Variants in SH3BGRL2 observed in about 807,000 individuals in gnomAD.
SH3BGRL2 encodes the protein SH3 domain binding glutamate rich protein like 2, also known as SH3 domain-binding glutamic acid-rich-like protein 2.
A neutral mutation model predicts 14.8 loss-of-function variants in SH3BGRL2; 21 were observed. The observed-to-expected ratio is 1.42, with a 90% confidence interval of 1.01 to 2.05. The LOEUF is 2.05. Among genes scored for constraint, SH3BGRL2 ranks in the 30% most tolerant of loss-of-function variants. The pLI, the probability that SH3BGRL2 is intolerant of heterozygous loss-of-function variation, is 0.00. For synonymous variants in SH3BGRL2, 50 were observed against 47.8 expected, an observed-to-expected ratio of 1.05 and a Z score of -0.19; for missense variants, 147 against 130.8, an observed-to-expected ratio of 1.12 and a Z score of -0.61.
the SH3BGRL2 span, among the ~76,000 whole-genome samples, chr6:79,576,656 T>TA: frequency 6.6e-6 from 1 of 152,196 alleles, no homozygotes; most frequent in African/African-American, 2.4e-5. Context: ...ATAATTTACA[T>TA]ACAGTAAAAT....
the SH3BGRL2 span, among the ~76,000 whole-genome samples, chr6:79,581,488 C>T: frequency 7.2e-5 from 11 of 152,108 alleles, no homozygotes; most frequent in South Asian, 2.1e-4. Flanking sequence ...GTTCAACATA[C>T]GCAAATCAAT....
At chr6:79,599,153 T>G in the SH3BGRL2 span, among the ~76,000 whole-genome samples, 2 of 151,970 alleles carry the variant, frequency 1.3e-5, no homozygotes, top group South Asian at 2.1e-4. Context: ...TGTTATAGTA[T>G]TTTACTGTAG....
chr6:79,593,063 A>G, the SH3BGRL2 span, among the ~76,000 whole-genome samples: 8 of 152,216 alleles, frequency 5.3e-5, no homozygotes, highest in African/African-American at 1.9e-4. Context: ...CTTTGGGCAA[A>G]TGAGAGCCCA....
chr6:79,665,138 T>C (rs1472739310), intron 1 of SH3BGRL2, among the ~76,000 whole-genome samples: 1 of 152,198 alleles, frequency 6.6e-6, no homozygotes, highest in Non-Finnish European at 1.5e-5. Context: ...AGGAGGAGTT[T>C]GCAGTGAGCT....
At chr6:79,575,059 A>G in the SH3BGRL2 span, 2 of 152,242 alleles carry the variant, frequency 1.3e-5, no homozygotes, top group African/African-American at 2.4e-5. Flanking sequence ...ATTCCACTGT[A>G]CTTGATTGAT....
At chr6:79,611,117 A>G in the SH3BGRL2 span, among the ~76,000 whole-genome samples, 1 of 152,188 alleles carries the variant, frequency 6.6e-6, no homozygotes, top group Non-Finnish European at 1.5e-5. Flanking sequence ...ACTTGGATCC[A>G]TAGTCTAATC....
chr6:79,588,164 G>A, the SH3BGRL2 span, among the ~76,000 whole-genome samples: 36 of 151,932 alleles, frequency 2.4e-4, no homozygotes, highest in East Asian at 6.8e-3. Context: ...ATGGTGGCAC[G>A]TGTCTGTAGT....
At chr6:79,694,905 T>G (rs565893549) in intron 2 of SH3BGRL2, among the ~76,000 whole-genome samples, 7 of 152,304 alleles carry the variant, frequency 4.6e-5, no homozygotes, top group African/African-American at 1.7e-4. Context: ...TTGCTGCCCT[T>G]TTTTTGAGCC....
At chr6:79,631,620 C>A in intron 1 of SH3BGRL2, 114 bp downstream of exon 1, 1 of 840,016 alleles carries the variant, frequency 1.2e-6, no homozygotes, top group Non-Finnish European at 1.6e-6. Context: ...CCCGCGGGAG[C>A]CCGCGCCCGG....
chr6:79,576,076 A>T, the SH3BGRL2 span, among the ~76,000 whole-genome samples: 1 of 152,160 alleles, frequency 6.6e-6, no homozygotes, highest in African/African-American at 2.4e-5. Context: ...ATGATAGCCT[A>T]TTCCCTAAAC....
chr6:79,558,525 TA>T, the SH3BGRL2 span, among the ~76,000 whole-genome samples: 11 of 152,326 alleles, frequency 7.2e-5, 1 homozygote, highest in South Asian at 2.3e-3. Context: ...TATAGTCATA[TA>T]TTTTACTTAG....
rs57327249 is a variant in SH3BGRL2 at position 79,667,990 on chromosome 6, T to TAA, written c.46-5618_46-5617dup. On this transcript the variant is annotated intron_variant, in intron 1 of 3. Coordinates refer to ENST00000369838, the MANE Select transcript of SH3BGRL2 (RefSeq NM_031469.4). Reference sequence around the variant, plus strand: ...TATTGTTCTTATTCAATCTCAATGTTAAAAAAACTCTTATTCAAATTGATT... The same window carrying TAA: ...TATTGTTCTTATTCAATCTCAATGTTAAAAAAAAACTCTTATTCAAATTGATT... Among the ~76,000 whole-genome samples, 17 of 151,734 alleles carry TAA rather than the reference T, an allele frequency of 1.1e-4. 1 individual carries two copies. The highest frequency in any genetic ancestry group is 2.1e-4 in the Non-Finnish European group (14 of 67,942).
Position 79,699,492 on chromosome 6 carries a change from T to TTTTTTA in SH3BGRL2, c.313-5_313-4insTTTTAT. ...TTTTTTTTTTTTTTTTTTTTTTTTT[T>TTTTTTA]TATAGGCAGAACCTTAGAGAAGAAG... On this transcript the variant is annotated splice_polypyrimidine_tract_variant and splice_region_variant and intron_variant, in intron 3 of 3. Coordinates refer to ENST00000369838, the MANE Select transcript of SH3BGRL2 (RefSeq NM_031469.4). 1 of 1,471,424 alleles carries TTTTTTA rather than the reference T, an allele frequency of 6.8e-7. No homozygotes were observed. Among genetic ancestry groups the TTTTTTA allele is most frequent in the Non-Finnish European group, 9.0e-7 (1 of 1,111,470 alleles). 91.1% of individuals were successfully genotyped at this position (1,471,424 alleles called of 1,614,324 possible).
intron 1 of SH3BGRL2, among the ~76,000 whole-genome samples, chr6:79,637,307 C>T (rs1342683536): frequency 1.6e-4 from 25 of 152,132 alleles, no homozygotes; most frequent in Admixed American, 1.6e-3. Flanking sequence ...AAATTAGGAG[C>T]TGTTTACCCA....
At chr6:79,624,184 T>C in the SH3BGRL2 span, among the ~76,000 whole-genome samples, 1 of 151,940 alleles carries the variant, frequency 6.6e-6, no homozygotes, top group Admixed American at 6.6e-5. Context: ...ATAATCAACA[T>C]TGAATCTTTA....
the SH3BGRL2 span, among the ~76,000 whole-genome samples, chr6:79,583,696 G>A: frequency 2.2e-4 from 34 of 152,132 alleles, no homozygotes; most frequent in African/African-American, 8.2e-4. Context: ...TGAGCTGATG[G>A]GTGCAGCAAA....
chr6:79,599,612 C>G, the SH3BGRL2 span, among the ~76,000 whole-genome samples: 2 of 152,124 alleles, frequency 1.3e-5, no homozygotes. Context: ...CTCAGGTGAT[C>G]CACCCTATAC....
intron 1 of SH3BGRL2, among the ~76,000 whole-genome samples, chr6:79,642,439 T>C (rs1420189177): frequency 1.3e-5 from 2 of 152,070 alleles, no homozygotes; most frequent in Non-Finnish European, 2.9e-5. Flanking sequence ...CCTGGCTTGA[T>C]CTAAGGATTG....
rs1770441543 is a variant in SH3BGRL2 at position 79,700,897 on chromosome 6, T to C, written c.*1388T>C. 1 of 152,194 alleles carries C rather than the reference T, an allele frequency of 6.6e-6. No homozygotes were observed. The highest frequency in any genetic ancestry group is 1.5e-5 in the Non-Finnish European group (1 of 68,034). The allele number at this position is 152,194 out of a possible 1,614,324, so 9.4% of individuals were successfully genotyped here. A position where few individuals can be genotyped will look rare whatever the true frequency, so the allele number is the denominator to read the frequency against. On this transcript the variant is annotated 3_prime_UTR_variant, in exon 4 of 4. Coordinates refer to ENST00000369838, the MANE Select transcript of SH3BGRL2 (RefSeq NM_031469.4). ...AGGGCTGCCTAAAATATTTTATTTC[T>C]AGCATCCTGATTCTGGACTTTTCAT...
Sources: gnomAD v4.1 joint callset for allele counts (sites outside exome capture counted in the v4.1 genomes callset) on GRCh38, gnomAD v4.1.1 for gene constraint, MANE v1.5 for transcripts, NCBI Gene and HGNC (gene_info 2026-07-23, HGNC 2026-07-21) for gene names.